NKX6-1: variants seen among roughly 807,000 people sequenced by gnomAD.
NKX6-1 encodes NK6 homeobox 1.
A neutral mutation model predicts 24.9 loss-of-function variants in NKX6-1; 11 were observed. The observed-to-expected ratio is 0.44, with a 90% CI of 0.28 to 0.73. The LOEUF (loss-of-function observed/expected upper bound fraction) is 0.73. Ranked by LOEUF, NKX6-1 falls within the 30% of genes least tolerant of loss-of-function variation. The probability of loss-of-function intolerance (pLI) is 0.15; values close to 1 mark genes in which losing one functional copy is unlikely to be tolerated. For synonymous variants in NKX6-1, 277 were observed against 242.9 expected, an observed-to-expected ratio of 1.14 and a Z score of -1.31; for missense variants, 487 against 502.9, an observed-to-expected ratio of 0.97 and a Z score of 0.30.
At position 84,498,133 on chromosome 4, in the gene NKX6-1, C is replaced by T; in HGVS notation, c.96G>A (p.Lys32=). 7.8e-7 allele frequency: 1 copy of T among 1,289,922 alleles called. No homozygotes were observed. Among genetic ancestry groups the T allele is most frequent in the Non-Finnish European group, 9.8e-7 (1 of 1,018,876 alleles). The allele number at this position is 1,289,922 out of a possible 1,614,324, so 79.9% of individuals were successfully genotyped here. The part of the protein sequence containing the change: ...LAALHSMAEM[K]TPLYPAAYPP... ...GATACGCGGCAGGGTACAGCGGGGT[C>T]TTCATCTCGGCCATGCTGTGCAGGG... The change falls in exon 1 of 3, where the codon AAG becomes AAA. Residue 32 remains lysine (K), a synonymous_variant. Coordinates refer to ENST00000295886, the MANE Select transcript of NKX6-1 (RefSeq NM_006168.3).
rs985325194 is a variant in NKX6-1, at chr4:84,493,477, G to C, written c.916C>G (p.Gln306Glu). 2 of 1,614,108 alleles carry C rather than the reference G, an allele frequency of 1.2e-6. No homozygotes were observed. Among genetic ancestry groups the C allele is most frequent in the South Asian group, 1.1e-5 (1 of 91,094 alleles). The change falls in exon 3 of 3, where the codon CAG becomes GAG. Residue 306 changes from glutamine (Q) to glutamate (E), a missense_variant. This residue lies in a region of NKX6-1 where 126 missense variants were observed against 105.5 expected (regional missense o/e 1.19). Transcript: ENST00000295886. This position sits in a 1 kb window ranked among gnomAD's most constrained non-coding sequence, Gnocchi z 5.1. ...TTGAGGCGCTCTGTCTCCGAGTCCTGCTTCTTCTTGGCCGTGGCCATCTCG... is the reference window on the plus strand; with the variant it reads ...TTGAGGCGCTCTGTCTCCGAGTCCTCCTTCTTCTTGGCCGTGGCCATCTCG... The part of the protein sequence containing the change: ...AAEMATAKKK[Q>E]DSETERLKGA...
chr4:84,497,706 G>A lies in NKX6-1; in HGVS notation c.523C>T (p.Leu175Phe). 7.9e-7 allele frequency: 1 copy of A among 1,266,434 alleles called. No homozygotes were observed. The highest frequency in any genetic ancestry group is 1.0e-6 in the Non-Finnish European group (1 of 1,003,052). 78.4% of individuals were successfully genotyped at this position (1,266,434 alleles called of 1,614,324 possible). ...SLSPPPPPPGLYFSPSAAAVA... is the reference protein window; with the variant it reads ...SLSPPPPPPGFYFSPSAAAVA... ...GCCGCGGCGCTGGGGCTGAAGTAGA[G>A]CCCGGGCGGCGGCGGCGGCGGGCTC... is the stretch of plus-strand genomic sequence containing the variant. The change falls in exon 1 of 3, where the codon CTC becomes TTC. Residue 175 changes from leucine to phenylalanine, a missense_variant. By Grantham distance (22) the Leu-to-Phe change is conservative. Coordinates refer to ENST00000295886, the MANE Select transcript of NKX6-1 (RefSeq NM_006168.3). The surrounding 1 kb of genome is among the most constrained non-coding windows in gnomAD (Gnocchi z 4.8).
chr4:84,498,321 G>T lies in NKX6-1; in HGVS notation c.-93C>A. 1.6e-6 allele frequency: 2 copies of T among 1,242,592 alleles called. No homozygotes were observed. The highest frequency in any genetic ancestry group is 2.0e-6 in the Non-Finnish European group (2 of 989,358). 77.0% of individuals were successfully genotyped at this position (1,242,592 alleles called of 1,614,324 possible). A position where few individuals can be genotyped will look rare whatever the true frequency, so the allele number is the denominator to read the frequency against. ...GAGGAGCCGGAAGCGCCGAGGGCGC[G>T]AGCGGAGAGGCACTCGGCGCGCCCG... On this transcript the variant is annotated 5_prime_UTR_variant, in exon 1 of 3. Coordinates refer to ENST00000295886, the MANE Select transcript of NKX6-1 (RefSeq NM_006168.3).
intron 2 of NKX6-1, among the ~76,000 whole-genome samples, chr4:84,495,409 T>C (rs1457167122): frequency 1.3e-5 from 2 of 152,180 alleles, no homozygotes; most frequent in African/African-American, 2.4e-5. Context: ...CAGCACATGC[T>C]GCTATATAGA....
Position 84,498,271 on chromosome 4 carries a change from T to C in NKX6-1, c.-43A>G. ...GACCGTAGCCTTGCAGCGAGGGCGC[T>C]GGCTGGTGCCCCCCGCGGGGCTCAG... On this transcript the variant is annotated 5_prime_UTR_variant, in exon 1 of 3. Coordinates refer to ENST00000295886, the MANE Select transcript of NKX6-1 (RefSeq NM_006168.3). 1 of 1,287,664 alleles carries C rather than the reference T, an allele frequency of 7.8e-7. No individual in the cohort carries two copies. Among genetic ancestry groups the C allele is most frequent in the Non-Finnish European group, 9.8e-7 (1 of 1,017,778 alleles). 79.8% of individuals were successfully genotyped at this position (1,287,664 alleles called of 1,614,324 possible).
rs1560615764 is a variant in NKX6-1, at chr4:84,493,571, G to T, written c.844-22C>A. 2 of 1,613,284 alleles carry T rather than the reference G, an allele frequency of 1.2e-6. No homozygotes were observed. The highest frequency in any genetic ancestry group is 4.5e-5 in the East Asian group (2 of 44,854). On this transcript the variant is annotated intron_variant, in intron 2 of 2. Transcript: ENST00000295886. The surrounding 1 kb of genome is among the most constrained non-coding windows in gnomAD (Gnocchi z 5.1). ...AGACCTGAGGGCGGAGAAAAGGGAG[G>T]AGAGGGGAGGCAAGGGCGAGGAATT... is the stretch of plus-strand genomic sequence containing the variant.
chr4:84,492,392 C>T lies in NKX6-1; in HGVS notation c.*897G>A, dbSNP rs964035491. ...ACGACTGTGCAATTTCAGAGAGGAA[C>T]AGGGAGGCAGGTGAGAGGCCCTCCC... On this transcript the variant is annotated 3_prime_UTR_variant, in exon 3 of 3. Coordinates refer to ENST00000295886, the MANE Select transcript of NKX6-1 (RefSeq NM_006168.3). 2.0e-5 allele frequency: 3 copies of T among 151,578 alleles called. No homozygotes were observed. Among genetic ancestry groups the T allele is most frequent in the African/African-American group, 7.3e-5 (3 of 41,178 alleles). 9.4% of individuals were successfully genotyped at this position (151,578 alleles called of 1,614,324 possible).
rs1236037135 is a variant in NKX6-1 at position 84,493,966 on chromosome 4, T to A, written c.844-417A>T. On this transcript the variant is annotated intron_variant, in intron 2 of 2. Coordinates refer to ENST00000295886, the MANE Select transcript of NKX6-1 (RefSeq NM_006168.3). The surrounding 1 kb of genome is among the most constrained non-coding windows in gnomAD (Gnocchi z 5.1). ...GTGATTTTATTCCTTATTTACTTTC[T>A]TAAATTAAGAAATTTCAAACAACCT... Among the ~76,000 whole-genome samples, 1 of 152,222 alleles carries A rather than the reference T, an allele frequency of 6.6e-6. No individual in the cohort carries two copies. The highest frequency in any genetic ancestry group is 1.9e-4 in the East Asian group (1 of 5,200).
chr4:84,496,138 C>T (rs1043755627), intron 1 of NKX6-1, among the ~76,000 whole-genome samples: 3 of 152,302 alleles, frequency 2.0e-5, no homozygotes, highest in East Asian at 1.9e-4. Context: ...AGAGCCTAAT[C>T]GCAAGGCCCC....
rs765584283 is a variant in NKX6-1, at chr4:84,495,866, G to A, written c.671-22C>T. ...TGATCTGTGAGAACCAATAAACAAC[G>A]AGAGAGGGGGAAAAACAATCGGTTA... On this transcript the variant is annotated intron_variant, in intron 1 of 2. Transcript: ENST00000295886. 7 of 1,611,772 alleles carry A rather than the reference G, an allele frequency of 4.3e-6. No individual in the cohort carries two copies. In the South Asian group the frequency reaches 6.6e-5, roughly 15 times the overall value.
rs1009705884 is a variant in NKX6-1 at position 84,499,130 on chromosome 4, C to G, written c.-902G>C. Among the ~76,000 whole-genome samples, 1 of 152,158 alleles carries G rather than the reference C, an allele frequency of 6.6e-6. No individual in the cohort carries two copies. Among genetic ancestry groups the G allele is most frequent in the Non-Finnish European group, 1.5e-5 (1 of 68,036 alleles). The stretch of plus-strand genomic sequence containing the variant: ...TCCCTCTCTCCCTCTCACTCTCAGC[C>G]TTTGACTCTCCTCTCTGGCATTTTC... On this transcript the variant is annotated 5_prime_UTR_variant, in exon 1 of 3. Transcript: ENST00000295886.
chr4:84,492,183 A>G lies in NKX6-1; in HGVS notation c.*1106T>C, dbSNP rs1720738208. 1 of 152,230 alleles carries G rather than the reference A, an allele frequency of 6.6e-6. No homozygotes were observed. The highest frequency in any genetic ancestry group is 1.5e-5 in the Non-Finnish European group (1 of 68,044). The allele number at this position is 152,230 out of a possible 1,614,324, so 9.4% of individuals were successfully genotyped here. A position where few individuals can be genotyped will look rare whatever the true frequency, so the allele number is the denominator to read the frequency against. On this transcript the variant is annotated 3_prime_UTR_variant, in exon 3 of 3. Transcript: ENST00000295886. ...TTACATATTCTATAGTATTCTTATG[A>G]TACAAAACACTTCAAATTCAATTAC...
In NKX6-1 at chr4:84,493,484, C is replaced by T. The variant is rs1720766359; in HGVS notation, c.909G>A (p.Lys303=). ...KKHAAEMATA[K]KKQDSETERL... ...GCTCTGTCTCCGAGTCCTGCTTCTT[C>T]TTGGCCGTGGCCATCTCGGCAGCGT... is the stretch of plus-strand genomic sequence containing the variant. The change falls in exon 3 of 3, where the codon AAG becomes AAA. Residue 303 remains lysine, a synonymous_variant. Coordinates refer to ENST00000295886, the MANE Select transcript of NKX6-1 (RefSeq NM_006168.3). The surrounding 1 kb of genome is among the most constrained non-coding windows in gnomAD (Gnocchi z 5.1). The T allele has an allele frequency of 6.2e-7, 1 of 1,614,144 alleles. No homozygotes were observed. The highest frequency in any genetic ancestry group is 1.7e-5 in the Admixed American group (1 of 60,012).
rs1006675421 is a variant in NKX6-1, at chr4:84,493,957, T to A, written c.844-408A>T. Among the ~76,000 whole-genome samples the A allele has an allele frequency of 2.0e-5, 3 of 152,340 alleles. No homozygotes were observed. Among genetic ancestry groups the A allele is most frequent in the Admixed American group, 2.0e-4 (3 of 15,310 alleles). ...ACAGTGGCTGTGATTTTATTCCTTA[T>A]TTACTTTCTTAAATTAAGAAATTTC... On this transcript the variant is annotated intron_variant, in intron 2 of 2. Coordinates refer to ENST00000295886, the MANE Select transcript of NKX6-1 (RefSeq NM_006168.3). This position sits in a 1 kb window ranked among gnomAD's most constrained non-coding sequence, Gnocchi z 5.1.
rs780409531 is a variant in NKX6-1 at position 84,497,485 on chromosome 4, C to T, written c.670+74G>A. 4 of 1,248,748 alleles carry T rather than the reference C, an allele frequency of 3.2e-6. No homozygotes were observed. The highest frequency in any genetic ancestry group is 8.4e-5 in the Admixed American group (2 of 23,690). The allele number at this position is 1,248,748 out of a possible 1,614,324, so 77.4% of individuals were successfully genotyped here. On this transcript the variant is annotated intron_variant, in intron 1 of 2. Coordinates refer to ENST00000295886, the MANE Select transcript of NKX6-1 (RefSeq NM_006168.3). The surrounding 1 kb of genome is among the most constrained non-coding windows in gnomAD (Gnocchi z 4.8). ...CAGGATGGACTGAGCGGCATGCACA[C>T]CAGGGGCCGCGACCCGGGAGTGGGC...
intron 2 of NKX6-1, among the ~76,000 whole-genome samples, chr4:84,494,362 T>C (rs557625852): frequency 9.8e-5 from 15 of 152,348 alleles, no homozygotes; most frequent in African/African-American, 3.6e-4. Context: ...ACTGTGTTCC[T>C]GCTCAAGACA....
chr4:84,492,975 C>T lies in NKX6-1; in HGVS notation c.*314G>A, dbSNP rs927693054. ...GCGAGGGGGACCCGGGCGCTGAGGC[C>T]GCTGCCCGCCTATGGGGACGCGGCT... On this transcript the variant is annotated 3_prime_UTR_variant, in exon 3 of 3. Transcript: ENST00000295886. 1.1e-5 allele frequency: 2 copies of T among 185,372 alleles called. No homozygotes were observed. Among genetic ancestry groups the T allele is most frequent in the African/African-American group, 4.7e-5 (2 of 43,004 alleles). 11.5% of individuals were successfully genotyped at this position (185,372 alleles called of 1,614,324 possible). A position where few individuals can be genotyped will look rare whatever the true frequency, so the allele number is the denominator to read the frequency against.
In NKX6-1 at chr4:84,498,108, G is replaced by C; in HGVS notation, c.121C>G (p.Pro41Ala). 2 of 1,271,786 alleles carry C rather than the reference G, an allele frequency of 1.6e-6. No individual in the cohort carries two copies. Among genetic ancestry groups the C allele is most frequent in the Non-Finnish European group, 2.0e-6 (2 of 1,009,102 alleles). 78.8% of individuals were successfully genotyped at this position (1,271,786 alleles called of 1,614,324 possible). A position where few individuals can be genotyped will look rare whatever the true frequency, so the allele number is the denominator to read the frequency against. The change falls in exon 1 of 3, where the codon CCC (proline) becomes GCC (alanine). Residue 41 changes from proline to alanine, a missense_variant. Coordinates refer to ENST00000295886, the MANE Select transcript of NKX6-1 (RefSeq NM_006168.3). Reference sequence around the variant, plus strand: ...GAGGGGGGGCCGGCAGGCAGCGGGGGATACGCGGCAGGGTACAGCGGGGTC... The same window carrying C: ...GAGGGGGGGCCGGCAGGCAGCGGGGCATACGCGGCAGGGTACAGCGGGGTC... ...MKTPLYPAAY[P>A]PLPAGPPSSS...
chr4:84,492,192 A>G lies in NKX6-1; in HGVS notation c.*1097T>C, dbSNP rs1720738263. 6.6e-6 allele frequency: 1 copy of G among 152,332 alleles called. No homozygotes were observed. Among genetic ancestry groups the G allele is most frequent in the Middle Eastern group, 3.4e-3 (1 of 294 alleles). 9.4% of individuals were successfully genotyped at this position (152,332 alleles called of 1,614,324 possible). On this transcript the variant is annotated 3_prime_UTR_variant, in exon 3 of 3. Coordinates refer to ENST00000295886, the MANE Select transcript of NKX6-1 (RefSeq NM_006168.3). ...CTATAGTATTCTTATGATACAAAAC[A>G]CTTCAAATTCAATTACAGTAACTAA...
Sources: gnomAD v4.1 joint callset for allele counts (sites outside exome capture counted in the v4.1 genomes callset) on GRCh38, gnomAD v4.1.1 for gene constraint, gnomAD v4.1.1 regional missense constraint, Gnocchi (gnomAD v3.1) non-coding constraint, MANE v1.5 for transcripts, NCBI Gene and HGNC (gene_info 2026-07-23, HGNC 2026-07-21) for gene names.